The following ITGAV variants were observed in gnomAD, a reference collection of about 807,000 sequenced individuals.
ITGAV encodes the protein integrin alpha-V.
ITGAV carries 76 observed loss-of-function variants against 143.8 expected under a neutral mutation model. That is an observed-to-expected ratio of 0.53 (90% CI 0.44 to 0.64). The LOEUF (loss-of-function observed/expected upper bound fraction) is 0.64, where lower values mean the gene tolerates loss of function less well. Ranked by LOEUF, ITGAV falls within the 30% of genes least tolerant of loss-of-function variation. ITGAV has a pLI of 0.00. For synonymous variants in ITGAV, 453 were observed against 446.7 expected, an observed-to-expected ratio of 1.01 and a Z score of -0.18; for missense variants, 1,193 against 1,274.7, an observed-to-expected ratio of 0.94 and a Z score of 0.98.
chr2:186,611,063 G>A (rs1370422024), intron 2 of ITGAV, among the ~76,000 whole-genome samples: 1 of 152,116 alleles, frequency 6.6e-6, no homozygotes, highest in Non-Finnish European at 1.5e-5. Flanking sequence ...TTTCCAGCTT[G>A]TAGAGCCATT....
At chr2:186,641,982 A>C (rs959230508) in intron 12 of ITGAV, among the ~76,000 whole-genome samples, 8 of 152,192 alleles carry the variant, frequency 5.3e-5, no homozygotes, top group African/African-American at 1.9e-4. Context: ...TGTCAAGGCA[A>C]TGCTGACTAA....
At chr2:186,649,273 T>A (rs1488289420) in intron 13 of ITGAV, among the ~76,000 whole-genome samples, 1 of 152,006 alleles carries the variant, frequency 6.6e-6, no homozygotes, top group Non-Finnish European at 1.5e-5. Context: ...GTTTTTATTT[T>A]TTTTTTCATG....
Position 186,642,377 on chromosome 2 carries a change from A to G in ITGAV, c.1159+789A>G, listed in dbSNP as rs1688129955. On this transcript the variant is annotated intron_variant, in intron 12 of 29. Coordinates refer to ENST00000261023, the MANE Select transcript of ITGAV (RefSeq NM_002210.5). ...TAAGAAGAAAACTTTAAAAATACAG[A>G]TGACTTGTTGTATGTCTCAAACAGT... Among the ~76,000 whole-genome samples, 5 of 136,630 alleles carry G rather than the reference A, an allele frequency of 3.7e-5. No homozygotes were observed. The South Asian group carries it at 1.2e-3, about 33-fold the overall frequency. The allele number at this position is 136,630 out of a possible 152,430, so 89.6% of individuals were successfully genotyped here.
At chr2:186,599,377 C>T (rs570910650) in intron 1 of ITGAV, among the ~76,000 whole-genome samples, 2 of 152,308 alleles carry the variant, frequency 1.3e-5, no homozygotes, top group East Asian at 3.9e-4. Context: ...CAACTGTGTT[C>T]TGATACAGCA....
At position 186,675,921 on chromosome 2, in the gene ITGAV, C is replaced by T; in HGVS notation, c.2922C>T (p.Ser974=). ...KNLPIEDITN[S]TLVTTNVTWG... ...TTCCAATTGAGGATATCACCAACTC[C>T]ACATTGGTAAGTCATTGGTTTAGGC... Residue 974 remains serine (S), a synonymous_variant, in exon 28 of 30, where the codon TCC becomes TCT. Transcript: ENST00000261023. 1 of 1,515,704 alleles carries T rather than the reference C, an allele frequency of 6.6e-7. No homozygotes were observed. The highest frequency in any genetic ancestry group is 9.2e-7 in the Non-Finnish European group (1 of 1,091,334). The allele number at this position is 1,515,704 out of a possible 1,614,324, so 93.9% of individuals were successfully genotyped here.
chr2:186,664,440 C>T, intron 19 of ITGAV, 54 bp from the exon 20 acceptor site: 2 of 1,547,486 alleles, frequency 1.3e-6, no homozygotes, highest in South Asian at 2.3e-5. Flanking sequence ...AACAGTCATA[C>T]TTTCCCCATG....
At position 186,591,936 on chromosome 2, in the gene ITGAV, G is replaced by A. The variant is rs538837166; in HGVS notation, c.185+1413G>A. On this transcript the variant is annotated intron_variant, in intron 1 of 29. Transcript: ENST00000261023. ...TTTCACATTCCATTTAGTCATTTTA[G>A]TCAGCATTATCTTTTTATTTATTGT... Among the ~76,000 whole-genome samples the A allele has an allele frequency of 1.3e-4, 20 of 152,262 alleles. No homozygotes were observed. In the South Asian group the frequency reaches 4.2e-3, roughly 32 times the overall value.
intron 16 of ITGAV, among the ~76,000 whole-genome samples, chr2:186,656,011 T>G (rs1323336545): frequency 1.3e-5 from 2 of 152,184 alleles, no homozygotes; most frequent in Admixed American, 6.5e-5. Context: ...ATCATTTTTT[T>G]GGGAATTATT....
At chr2:186,601,434 T>C (rs890645847) in intron 1 of ITGAV, among the ~76,000 whole-genome samples, 13 of 151,590 alleles carry the variant, frequency 8.6e-5, no homozygotes, top group African/African-American at 3.1e-4. Context: ...CACTCCAGCC[T>C]GGGTGACAAA....
rs944769375 is a variant in ITGAV at position 186,629,829 on chromosome 2, C to G, written c.524-968C>G. On this transcript the variant is annotated intron_variant, in intron 4 of 29. Transcript: ENST00000261023. ...CTGAAGGATAGTGTTTTCCATTGTTCTCTGTTATCCTCAAAGTAAAATAAG... is the reference window on the plus strand; with the variant it reads ...CTGAAGGATAGTGTTTTCCATTGTTGTCTGTTATCCTCAAAGTAAAATAAG... Among the ~76,000 whole-genome samples the G allele has an allele frequency of 6.6e-5, 10 of 152,134 alleles. No individual in the cohort carries two copies. In the East Asian group the frequency reaches 1.5e-3, roughly 24 times the overall value.
intron 2 of ITGAV, among the ~76,000 whole-genome samples, 168 bp from the exon 3 acceptor site, chr2:186,622,171 T>A (rs1005497099): frequency 1.3e-5 from 2 of 152,190 alleles, no homozygotes; most frequent in Non-Finnish European, 2.9e-5. Flanking sequence ...ATGTTTCTGA[T>A]TACTTGAAAG....
intron 12 of ITGAV, among the ~76,000 whole-genome samples, chr2:186,642,226 C>A (rs978054013): frequency 5.3e-5 from 8 of 151,888 alleles, no homozygotes; most frequent in Non-Finnish European, 1.0e-4. Flanking sequence ...TACAAATTAC[C>A]AAGATTTTTT....
chr2:186,639,483 G>A (rs528205327), intron 10 of ITGAV, among the ~76,000 whole-genome samples: 3 of 152,210 alleles, frequency 2.0e-5, no homozygotes, highest in Non-Finnish European at 2.9e-5. Context: ...CCTTTGTTCC[G>A]TTTTGACTTC....
In ITGAV at chr2:186,639,103, C is replaced by A. The variant is rs575855504; in HGVS notation, c.903+638C>A. ...ATATTATAAGCGAACTTCATTTTTACTACATGAAATAAGATATTTCTCAGC... is the reference window on the plus strand; with the variant it reads ...ATATTATAAGCGAACTTCATTTTTAATACATGAAATAAGATATTTCTCAGC... On this transcript the variant is annotated intron_variant, in intron 10 of 29. Coordinates refer to ENST00000261023, the MANE Select transcript of ITGAV (RefSeq NM_002210.5). Among the ~76,000 whole-genome samples the A allele has an allele frequency of 1.1e-3, 164 of 152,114 alleles. 1 individual carries two copies. The highest frequency in any genetic ancestry group is 3.8e-3 in the African/African-American group (159 of 41,536).
chr2:186,639,016 A>T (rs1434251112), intron 10 of ITGAV, among the ~76,000 whole-genome samples: 1 of 151,660 alleles, frequency 6.6e-6, no homozygotes, highest in African/African-American at 2.4e-5. Flanking sequence ...TTTAAGGATG[A>T]TCAATGCCTT....
At position 186,602,520 on chromosome 2, in the gene ITGAV, T is replaced by C. The variant is rs79092527; in HGVS notation, c.316+369T>C. On this transcript the variant is annotated intron_variant, in intron 2 of 29. Coordinates refer to ENST00000261023, the MANE Select transcript of ITGAV (RefSeq NM_002210.5). ...TCTGTCAACCAAATTGAAGCATGAC[T>C]CACTATTGTAGAAGATCAAATCTCT... 1.4e-3 allele frequency among the ~76,000 whole-genome samples: 219 copies of C among 152,288 alleles called. 1 individual carries two copies. The highest frequency in any genetic ancestry group is 2.7e-3 in the Non-Finnish European group (183 of 68,014).
intron 13 of ITGAV, 22 bp downstream of exon 13, chr2:186,646,899 G>C (rs1181546853): frequency 3.1e-5 from 47 of 1,511,470 alleles, no homozygotes; most frequent in Non-Finnish European, 3.8e-5. Flanking sequence ...TCAACACATA[G>C]AGCCCTTAGA....
intron 28 of ITGAV, 48 bp from the exon 29 acceptor site, chr2:186,676,765 T>C: frequency 6.4e-7 from 1 of 1,571,740 alleles, no homozygotes; most frequent in Middle Eastern, 1.7e-4. Context: ...TATTTGTTGA[T>C]TAAGTCAATG....
rs1369790770 is a variant in ITGAV, at chr2:186,679,650, A to G, written c.*2358A>G. ...TGATCTGATTCAGTTTTAAGAAAAC[A>G]TGAATGAACTAGAAGATATTAAAAA... On this transcript the variant is annotated 3_prime_UTR_variant, in exon 30 of 30. Coordinates refer to ENST00000261023, the MANE Select transcript of ITGAV (RefSeq NM_002210.5). 2.0e-5 allele frequency: 3 copies of G among 152,048 alleles called. No individual in the cohort carries two copies. Among genetic ancestry groups the G allele is most frequent in the African/African-American group, 4.8e-5 (2 of 41,458 alleles). The allele number at this position is 152,048 out of a possible 1,614,324, so 9.4% of individuals were successfully genotyped here.
Sources: gnomAD v4.1 joint callset for allele counts (sites outside exome capture counted in the v4.1 genomes callset) on GRCh38, gnomAD v4.1.1 for gene constraint, MANE v1.5 for transcripts, NCBI Gene and HGNC (gene_info 2026-07-23, HGNC 2026-07-21) for gene names.